The following TUT4 variants were observed in gnomAD, a reference collection of about 807,000 sequenced individuals.
TUT4 encodes terminal uridylyl transferase 4.
A neutral mutation model predicts 192.2 loss-of-function variants in TUT4; 36 were observed. The ratio of observed to expected loss-of-function variants is 0.19; its 90% CI spans 0.14 to 0.25. The LOEUF (loss-of-function observed/expected upper bound fraction) is 0.25, where lower values mean the gene tolerates loss of function less well. Ranked by LOEUF, TUT4 falls within the 10% of genes least tolerant of loss-of-function variation. TUT4 has a pLI of 1.00. For missense variants in TUT4, 1,493 were observed against 1,957.2 expected (o/e 0.76, Z 4.47); for synonymous variants, 618 against 666.0 (o/e 0.93, Z 1.11).
At chr1:52,545,687 G>GTGT (rs1400546819) in intron 1 of TUT4, among the ~76,000 whole-genome samples, 1 of 152,052 alleles carries the variant, frequency 6.6e-6, no homozygotes, top group African/African-American at 2.4e-5. Context: ...AAAATAGCAA[G>GTGT]TGTTGGCAAG....
chr1:52,510,123 A>T (rs1257210804), intron 3 of TUT4, among the ~76,000 whole-genome samples: 2 of 151,974 alleles, frequency 1.3e-5, no homozygotes, highest in Non-Finnish European at 2.9e-5. Flanking sequence ...ACAAGACTGG[A>T]CAACATGGAG....
rs60998504 is a variant in TUT4, at chr1:52,469,140, C to T, written c.2879-873G>A. Among the ~76,000 whole-genome samples the T allele has an allele frequency of 2.2e-3, 329 of 152,212 alleles. 7 individuals are homozygous for T. In the South Asian group the frequency reaches 0.033, roughly 15 times the overall value. Reference sequence around the variant, plus strand: ...ACATGACACAATGCACTTGTCAAAACCCACAGAACTTTGCAGCACAAAGAG... The same window carrying T: ...ACATGACACAATGCACTTGTCAAAATCCACAGAACTTTGCAGCACAAAGAG... On this transcript the variant is annotated intron_variant, in intron 14 of 29. Transcript: ENST00000257177.
intron 24 of TUT4, among the ~76,000 whole-genome samples, chr1:52,444,650 AGT>A (rs1656826199): frequency 6.7e-6 from 1 of 149,710 alleles, no homozygotes; most frequent in African/African-American, 2.5e-5. Context: ...CACTTAATCT[AGT>A]GTGCATAATT....
intron 3 of TUT4, among the ~76,000 whole-genome samples, chr1:52,514,526 A>G (rs1182287861): frequency 1.3e-5 from 2 of 152,160 alleles, no homozygotes; most frequent in African/African-American, 4.8e-5. Flanking sequence ...TAACTATACA[A>G]CCCAAACTCT....
At chr1:52,465,198 A>G in intron 15 of TUT4, 25 bp from the exon 16 acceptor site, 1 of 1,578,574 alleles carries the variant, frequency 6.3e-7, no homozygotes, top group Non-Finnish European at 8.7e-7. Flanking sequence ...ACAAAGTCCA[A>G]GGCCTTATTA....
chr1:52,527,076 T>C (rs896012490), intron 1 of TUT4, among the ~76,000 whole-genome samples: 2 of 152,122 alleles, frequency 1.3e-5, no homozygotes, highest in African/African-American at 4.8e-5. Context: ...AATCCGTTTA[T>C]GGAATCCTAA....
chr1:52,423,879 C>T lies in TUT4; in HGVS notation c.*56G>A, dbSNP rs376812023. The T allele has an allele frequency of 4.4e-6, 7 of 1,596,318 alleles. No homozygotes were observed. Among genetic ancestry groups the T allele is most frequent in the Non-Finnish European group, 6.0e-6 (7 of 1,171,304 alleles). On this transcript the variant is annotated 3_prime_UTR_variant, in exon 30 of 30. Transcript: ENST00000257177. ...TGAGGTACGGATACCCTTGAGACAG[C>T]AGGATTGGCTGGTTGCTGTGCATCG...
chr1:52,465,331 AGCCCAAGCTTTT>A (rs1463027783), intron 15 of TUT4, among the ~76,000 whole-genome samples, 158 bp from the exon 16 acceptor site: 1 of 152,212 alleles, frequency 6.6e-6, no homozygotes, highest in African/African-American at 2.4e-5. Flanking sequence ...AAACATCTTG[AGCCCAAGCTTTT>A]GCCCAAGTTC....
Position 52,475,240 on chromosome 1 carries a change from T to A in TUT4, c.2319A>T (p.Ser773=). ...TGTTGTTGTCAATAATACATCTCTGTGATGTACAGTCCATTTCATCACATT... is the reference window on the plus strand; with the variant it reads ...TGTTGTTGTCAATAATACATCTCTGAGATGTACAGTCCATTTCATCACATT... The part of the protein sequence containing the change: ...PVQCDEMDCT[S]QRCIIDNNNL... Residue 773 remains serine, a synonymous_variant, in exon 13 of 30, where the codon TCA becomes TCT. Coordinates refer to ENST00000257177, the MANE Select transcript of TUT4 (RefSeq NM_001009881.3). 1.2e-6 allele frequency: 2 copies of A among 1,614,176 alleles called. No homozygotes were observed.
At chr1:52,498,327 C>T (rs1001859009) in intron 4 of TUT4, among the ~76,000 whole-genome samples, 2 of 148,196 alleles carry the variant, frequency 1.3e-5, no homozygotes, top group South Asian at 2.2e-4. Context: ...CTGCAGGCTC[C>T]GCCCCCCCGG....
chr1:52,481,397 C>A (rs762939899), intron 11 of TUT4, 26 bp downstream of exon 11: 4 of 1,608,956 alleles, frequency 2.5e-6, no homozygotes, highest in Non-Finnish European at 3.4e-6. Context: ...ATAGAAAAGC[C>A]AAAAAACAAA....
chr1:52,525,479 A>G (rs938646192), intron 2 of TUT4, 84 bp downstream of exon 2: 14 of 1,490,362 alleles, frequency 9.4e-6, no homozygotes, highest in Admixed American at 4.8e-5. Flanking sequence ...ATGTATAAAC[A>G]TGACTTTTTG....
In TUT4 at chr1:52,509,680, T is replaced by G; in HGVS notation, c.915A>C (p.Leu305=). Residue 305 remains leucine, a synonymous_variant, in exon 4 of 30, where the codon CTA becomes CTC. Coordinates refer to ENST00000257177, the MANE Select transcript of TUT4 (RefSeq NM_001009881.3). The part of the protein sequence containing the change: ...RSPEYTNCRY[L]CKLCLIHIEN... ...CAATGTGAATTAAGCAAAGTTTGCA[T>G]AGATACCGACAATTGGTATATTCTG... 6.2e-7 allele frequency: 1 copy of G among 1,612,098 alleles called. No homozygotes were observed. Among genetic ancestry groups the G allele is most frequent in the Non-Finnish European group, 8.5e-7 (1 of 1,178,476 alleles).
intron 2 of TUT4, among the ~76,000 whole-genome samples, chr1:52,524,314 T>C (rs1202636136): frequency 6.6e-6 from 1 of 152,136 alleles, no homozygotes; most frequent in Non-Finnish European, 1.5e-5. Flanking sequence ...GGCAGGCGGA[T>C]CACGAGGTCA....
rs78098408 is a variant in TUT4, at chr1:52,472,229, A to T, written c.2728-127T>A. On this transcript the variant is annotated intron_variant, in intron 13 of 29. Coordinates refer to ENST00000257177, the MANE Select transcript of TUT4 (RefSeq NM_001009881.3). ...TAACCTGTGCTTTCAGGAGGTAATT[A>T]AAAAAAAAAACATGTTGTTAAAATG... 3.7e-3 allele frequency: 1,966 copies of T among 534,034 alleles called. 9 individuals carry two copies. Among genetic ancestry groups the T allele is most frequent in the South Asian group, 5.0e-3 (125 of 25,010 alleles). 33.1% of individuals were successfully genotyped at this position (534,034 alleles called of 1,614,324 possible).
At chr1:52,483,552 A>G (rs1460921222) in intron 9 of TUT4, among the ~76,000 whole-genome samples, 2 of 152,108 alleles carry the variant, frequency 1.3e-5, no homozygotes, top group African/African-American at 4.8e-5. Context: ...GGCTCATGCA[A>G]GTAATCCCAG....
intron 27 of TUT4, chr1:52,432,138 C>T (rs1019985054): frequency 6.6e-6 from 1 of 152,144 alleles, no homozygotes; most frequent in Non-Finnish European, 1.5e-5. Flanking sequence ...AGTAGACTCA[C>T]GCAGTTCAAA....
intron 2 of TUT4, among the ~76,000 whole-genome samples, chr1:52,524,887 G>A (rs1369163617): frequency 1.3e-5 from 2 of 152,182 alleles, no homozygotes; most frequent in Non-Finnish European, 2.9e-5. Flanking sequence ...TGGCTTAGAA[G>A]GCCCTGATAT....
intron 3 of TUT4, among the ~76,000 whole-genome samples, chr1:52,510,210 G>A (rs140515836): frequency 6.6e-6 from 1 of 151,554 alleles, no homozygotes; most frequent in African/African-American, 2.4e-5. Context: ...TACTCTGGTG[G>A]CTGAGGTGGA....
Sources: gnomAD v4.1 joint callset for allele counts (sites outside exome capture counted in the v4.1 genomes callset) on GRCh38, gnomAD v4.1.1 for gene constraint, MANE v1.5 for transcripts, NCBI Gene and HGNC (gene_info 2026-07-23, HGNC 2026-07-21) for gene names.